FLNA: variants seen among roughly 807,000 people sequenced by gnomAD.
FLNA encodes the protein filamin-A.
FLNA carries 7 observed loss-of-function variants against 157.6 expected under a neutral mutation model. The observed-to-expected ratio is 0.04, with a 90% CI of 0.03 to 0.08. The LOEUF is 0.08. Ranked by LOEUF, FLNA falls within the 10% of genes least tolerant of loss-of-function variation. The pLI, the probability that FLNA is intolerant of heterozygous loss-of-function variation, is 1.00. For synonymous variants in FLNA, 1,103 were observed against 1,060.8 expected (o/e 1.04, Z -0.77); for missense variants, 1,750 against 2,398.4 (o/e 0.73, Z 5.65).
rs1233298219 is a variant in FLNA at position 154,360,474 on chromosome X, G to T, written c.3321C>A (p.Pro1107=). 3 of 1,211,562 alleles carry T rather than the reference G, an allele frequency of 2.5e-6. No homozygotes were observed. The highest frequency in any genetic ancestry group is 3.4e-6 in the Non-Finnish European group (3 of 895,513). ...TGGLGLTVEG[P]CEAQLECLDN... ...CCAAGCACTCGAGCTGCGCCTCACA[G>T]GGGCCCTCCACCGTCAGGCCCAGGC... Residue 1107 remains proline, a synonymous_variant, in exon 22 of 48, where the codon CCC becomes CCA. Coordinates refer to ENST00000369850, the MANE Select transcript of FLNA (RefSeq NM_001110556.2).
At chrX:154,363,413 G>A (rs1430429858) in intron 15 of FLNA, among the ~76,000 whole-genome samples, 3 of 101,811 alleles carry the variant, frequency 2.9e-5, no homozygotes, top group African/African-American at 7.3e-5. Context: ...GCAAAACTCC[G>A]GCTCAAAAAA....
rs2067646326 is a variant in FLNA, at chrX:154,354,375, A to C, written c.5416+6T>G. On this transcript the variant is annotated splice_donor_region_variant and intron_variant, in intron 33 of 47. Transcript: ENST00000369850. Reference sequence around the variant, plus strand: ...CTCCCGAGCTCCTTCCCAAGTCCCCACTCACCTGTGATCTCGCCCTTCTTG... The same window carrying C: ...CTCCCGAGCTCCTTCCCAAGTCCCCCCTCACCTGTGATCTCGCCCTTCTTG... 9 of 1,210,169 alleles carry C rather than the reference A, an allele frequency of 7.4e-6. No homozygotes were observed. Among genetic ancestry groups the C allele is most frequent in the Non-Finnish European group, 1.0e-5 (9 of 894,722 alleles).
At chrX:154,365,931 G>T (rs2067755227) in intron 9 of FLNA, 93 bp downstream of exon 9, 2 of 874,491 alleles carry the variant, frequency 2.3e-6, no homozygotes, top group Admixed American at 5.8e-5. Flanking sequence ...GGGCCCCGGG[G>T]CGGGCTGCAG....
Position 154,360,486 on chromosome X carries a change from C to CCTG in FLNA, c.3308_3309insCAG (p.Thr1103_Val1104insArg), listed in dbSNP as rs781857930. Reference sequence around the variant, plus strand: ...GCTGCGCCTCACAGGGGCCCTCCACCGTCAGGCCCAGGCCACCTGTGCCGG... The same window carrying CCTG: ...GCTGCGCCTCACAGGGGCCCTCCACCCTGGTCAGGCCCAGGCCACCTGTGCCGG... On this transcript the variant is annotated inframe_insertion, in exon 22 of 48. Transcript: ENST00000369850. 1.4e-5 allele frequency: 17 copies of CCTG among 1,211,254 alleles called. No individual in the cohort carries two copies. Among genetic ancestry groups the CCTG allele is most frequent in the Non-Finnish European group, 1.8e-5 (16 of 895,353 alleles).
rs372978023 is a variant in FLNA, at chrX:154,352,848, C to T, written c.6303G>A (p.Thr2101=). 4.7e-5 allele frequency: 57 copies of T among 1,210,057 alleles called. No homozygotes were observed. The highest frequency in any genetic ancestry group is 2.3e-4 in the South Asian group (13 of 56,907). Residue 2101 remains threonine (T), a synonymous_variant, in exon 39 of 48, where the codon ACG becomes ACA. Coordinates refer to ENST00000369850, the MANE Select transcript of FLNA (RefSeq NM_001110556.2). ...CTGTGGGGCAGTAGGTGACCCTGCA[C>T]GTCCCGTCCTCCAGGTCCTCTGTGT... ...DINTEDLEDG[T]CRVTYCPTEP... is the part of the protein sequence containing the mutation.
chrX:154,369,100 G>T (rs1395710556), intron 2 of FLNA, among the ~76,000 whole-genome samples: 2 of 112,683 alleles, frequency 1.8e-5, no homozygotes, highest in Non-Finnish European at 3.8e-5. Context: ...GAGTCAACTA[G>T]GGGGCGGGCC....
intron 28 of FLNA, 110 bp downstream of exon 28, chrX:154,358,089 C>T: frequency 4.4e-6 from 4 of 916,596 alleles, no homozygotes; most frequent in Non-Finnish European, 6.3e-6. Flanking sequence ...CCCTGTCCTT[C>T]CCTGCCCTCC....
At chrX:154,351,722 G>A (rs782560073) in intron 42 of FLNA, 26 bp from the exon 43 acceptor site, 79 of 1,134,798 alleles carry the variant, frequency 7.0e-5, no homozygotes, top group Non-Finnish European at 8.8e-5. Context: ...GTGTAAGACC[G>A]GCTCATCAGC....
In FLNA at chrX:154,361,040, C is replaced by G. The variant is rs193036242; in HGVS notation, c.3207+268G>C. The stretch of plus-strand genomic sequence containing the variant: ...CCAGCCTGGGCGACAGAGTGAGACT[C>G]TTTCTCAAAAAAAAAAAAAAAAAAA... On this transcript the variant is annotated intron_variant, in intron 21 of 47. Transcript: ENST00000369850. Among the ~76,000 whole-genome samples, 388 of 40,196 alleles carry G rather than the reference C, an allele frequency of 9.7e-3. 7 individuals are homozygous for G. The highest frequency in any genetic ancestry group is 0.043 in the African/African-American group (363 of 8,426). The allele number at this position is 40,196 out of a possible 115,157, so 34.9% of individuals were successfully genotyped here.
At position 154,357,636 on chromosome X, in the gene FLNA, G is replaced by A; in HGVS notation, c.4756-13C>T. On this transcript the variant is annotated splice_polypyrimidine_tract_variant and intron_variant, in intron 28 of 47. Transcript: ENST00000369850. ...TGCCTTCGGGATCCTGTGTGGCAGA[G>A]GCAGGGGAGGCAGTTGGCCCAAGCC... 1.7e-6 allele frequency: 2 copies of A among 1,206,199 alleles called. No homozygotes were observed. Among genetic ancestry groups the A allele is most frequent in the Non-Finnish European group, 2.2e-6 (2 of 891,707 alleles).
At position 154,351,058 on chromosome X, in the gene FLNA, C is replaced by T. The variant is rs1557175667; in HGVS notation, c.7024-17G>A. On this transcript the variant is annotated splice_polypyrimidine_tract_variant and intron_variant, in intron 43 of 47. Transcript: ENST00000369850. ...CCCTGACTCCTGGAAGCACAGCAGACATGGTTAGATGGGGGTGCTTGAGCC... is the reference window on the plus strand; with the variant it reads ...CCCTGACTCCTGGAAGCACAGCAGATATGGTTAGATGGGGGTGCTTGAGCC... 1 of 1,210,996 alleles carries T rather than the reference C, an allele frequency of 8.3e-7. No homozygotes were observed. Among genetic ancestry groups the T allele is most frequent in the East Asian group, 3.0e-5 (1 of 33,825 alleles).
At chrX:154,350,327 C>T in intron 44 of FLNA, 120 bp from the exon 45 acceptor site, 4 of 656,545 alleles carry the variant, frequency 6.1e-6, no homozygotes, top group Non-Finnish European at 9.7e-6. Context: ...AGTGTGAGCC[C>T]AGCCACGCTG....
Position 154,353,681 on chromosome X carries a change from G to T in FLNA, c.5733C>A (p.Ser1911Arg), listed in dbSNP as rs781852005. The change falls in exon 36 of 48, where the codon AGC (serine) becomes AGA (arginine). Residue 1911 changes from serine to arginine, a missense_variant. Physicochemically the swap from Ser to Arg is moderately radical, Grantham distance 110 (BLOSUM62 -1). Coordinates refer to ENST00000369850, the MANE Select transcript of FLNA (RefSeq NM_001110556.2). Reference protein sequence around the residue: ...AIEGPSKAEISCTDNQDGTCS... With the variant: ...AIEGPSKAEIRCTDNQDGTCS... Reference sequence around the variant, plus strand: ...ATGTCCCATCCTGGTTGTCAGTGCAGCTGATTTCTGCTTTGGACGGGCCCT... The same window carrying T: ...ATGTCCCATCCTGGTTGTCAGTGCATCTGATTTCTGCTTTGGACGGGCCCT... 1 of 1,211,595 alleles carries T rather than the reference G, an allele frequency of 8.3e-7. No homozygotes were observed. Among genetic ancestry groups the T allele is most frequent in the Admixed American group, 2.2e-5 (1 of 46,129 alleles).
intron 1 of FLNA, among the ~76,000 whole-genome samples, chrX:154,372,491 G>C (rs1343040361): frequency 2.7e-5 from 3 of 111,678 alleles, no homozygotes; most frequent in Non-Finnish European, 5.7e-5. Context: ...GGCCTGGGGG[G>C]TTGTGTCCCC....
rs1021622194 is a variant in FLNA at position 154,365,303 on chromosome X, C to T, written c.1568-44G>A. On this transcript the variant is annotated intron_variant, in intron 10 of 47. Transcript: ENST00000369850. ...CCTCAGGCCTGCCCAGCAGTGAACC[C>T]GGGGGCTGCCGCCACCCATCCTGGC... 2.1e-5 allele frequency: 25 copies of T among 1,210,697 alleles called. No homozygotes were observed. In the Admixed American group the frequency reaches 4.8e-4, roughly 23 times the overall value.
In FLNA at chrX:154,366,395, C is replaced by T. The variant is rs781984427; in HGVS notation, c.1141G>A (p.Ala381Thr). 3 of 1,211,921 alleles carry T rather than the reference C, an allele frequency of 2.5e-6. No individual in the cohort carries two copies. Among genetic ancestry groups the T allele is most frequent in the Non-Finnish European group, 3.4e-6 (3 of 895,384 alleles). The change falls in exon 8 of 48, where the codon GCC (alanine) becomes ACC (threonine). Residue 381 changes from alanine (A) to threonine (T), a missense_variant. Ala to Thr is a moderately conservative substitution (Grantham distance 58). This residue lies in a region of FLNA where 648 missense variants were observed against 805.8 expected (regional missense o/e 0.80). Transcript: ENST00000369850. ...EVYVDKSQGD[A>T]SKVTAQGPGL... Reference sequence around the variant, plus strand: ...GGACCTTGGGCTGTCACTTTGCTGGCGTCACCCTGTGACTTATCCACGTAC... The same window carrying T: ...GGACCTTGGGCTGTCACTTTGCTGGTGTCACCCTGTGACTTATCCACGTAC...
Position 154,358,287 on chromosome X carries a change from T to G in FLNA, c.4667A>C (p.Asn1556Thr), listed in dbSNP as rs2067677849. ...CAGGCTGGCAGGCACGCCAGTGGTG[T>G]TGAGCCCGGGGCCACTGGCCTTCAC... ...SKVKASGPGL[N>T]TTGVPASLPV... is the part of the protein sequence containing the mutation. The change falls in exon 28 of 48, where the codon AAC becomes ACC. Residue 1556 changes from asparagine (N) to threonine (T), a missense_variant. Physicochemically the swap from Asn to Thr is moderately conservative, Grantham distance 65. Coordinates refer to ENST00000369850, the MANE Select transcript of FLNA (RefSeq NM_001110556.2). 2 of 1,211,042 alleles carry G rather than the reference T, an allele frequency of 1.7e-6. No individual in the cohort carries two copies. Among genetic ancestry groups the G allele is most frequent in the African/African-American group, 1.7e-5 (1 of 57,837 alleles).
chrX:154,356,011 C>T (rs947836699), intron 30 of FLNA, among the ~76,000 whole-genome samples: 1 of 112,625 alleles, frequency 8.9e-6, no homozygotes, highest in African/African-American at 3.2e-5. Flanking sequence ...TCCTGCTGCA[C>T]TAGGCTCCAT....
chrX:154,372,837 A>G (rs1425559338), intron 1 of FLNA, among the ~76,000 whole-genome samples: 1 of 110,988 alleles, frequency 9.0e-6, no homozygotes, highest in Non-Finnish European at 1.9e-5. Flanking sequence ...TGGGTTGGCC[A>G]GCACGTCATG....
Sources: allele counts gnomAD v4.1 joint callset (sites outside exome capture counted in the v4.1 genomes callset), GRCh38; gene constraint gnomAD v4.1.1; regional missense constraint gnomAD v4.1.1; transcripts MANE v1.5; gene names NCBI Gene and HGNC (gene_info 2026-07-23, HGNC 2026-07-21).